Variants in STAG2 observed in about 807,000 individuals in gnomAD.
STAG2 encodes the protein cohesin subunit SA-2.
A neutral mutation model predicts 108.1 loss-of-function variants in STAG2; 14 were observed. The observed-to-expected ratio is 0.13, with a 90% CI of 0.09 to 0.20. STAG2 has a LOEUF of 0.20. Among genes scored for constraint, STAG2 ranks in the 10% least tolerant of loss-of-function variants. STAG2 has a pLI of 1.00. For missense variants in STAG2, 440 were observed against 940.9 expected (o/e 0.47, Z 6.96); for synonymous variants, 307 against 302.7 (o/e 1.01, Z -0.15).
intron 4 of STAG2, among the ~76,000 whole-genome samples, chrX:124,029,074 T>C (rs925122305): frequency 9.4e-6 from 1 of 105,992 alleles, no homozygotes; most frequent in Admixed American, 1.0e-4. Flanking sequence ...TGGAGTGCAG[T>C]GGCGCAGTCT....
intron 17 of STAG2, among the ~76,000 whole-genome samples, chrX:124,062,420 G>A (rs2058409516): frequency 8.9e-6 from 1 of 111,896 alleles, no homozygotes; most frequent in African/African-American, 3.2e-5. Flanking sequence ...TTTTATCAAA[G>A]ACAATGTGAT....
rs764117421 is a variant in STAG2, at chrX:124,079,617, C to T, written c.2775+1559C>T. Reference sequence around the variant, plus strand: ...GCAACATAGCAAGAGCCCATCTCTACAGAAAATGAAGAAAGAAAAATAAAT... The same window carrying T: ...GCAACATAGCAAGAGCCCATCTCTATAGAAAATGAAGAAAGAAAAATAAAT... On this transcript the variant is annotated intron_variant, in intron 27 of 34. Transcript: ENST00000371145. 4.1e-3 allele frequency among the ~76,000 whole-genome samples: 460 copies of T among 111,279 alleles called. 2 individuals carry two copies. Among genetic ancestry groups the T allele is most frequent in the African/African-American group, 0.011 (339 of 30,720 alleles).
intron 1 of STAG2, among the ~76,000 whole-genome samples, chrX:123,997,174 C>T (rs1465719308): frequency 1.8e-5 from 2 of 112,009 alleles, no homozygotes; most frequent in African/African-American, 6.5e-5. Context: ...AGTCTTCCAA[C>T]TTTGTTCTTT....
At chrX:124,052,229 C>T (rs769791402) in intron 13 of STAG2, among the ~76,000 whole-genome samples, 2 of 111,654 alleles carry the variant, frequency 1.8e-5, no homozygotes, top group African/African-American at 6.5e-5. Context: ...GGTTTACTGT[C>T]ATTACCTATA....
intron 20 of STAG2, among the ~76,000 whole-genome samples, chrX:124,064,296 A>G (rs766336515): frequency 9.0e-6 from 1 of 111,495 alleles, no homozygotes; most frequent in Admixed American, 9.6e-5. Flanking sequence ...AATGATCTGA[A>G]CAGTTACCTG....
At chrX:124,078,093 A>C (rs757822397) in intron 27 of STAG2, 35 bp downstream of exon 27, 1 of 1,001,289 alleles carries the variant, frequency 1.0e-6, no homozygotes, top group African/African-American at 1.9e-5. Context: ...AGCTAACACA[A>C]TTAACACCTA....
At chrX:124,068,795 AT>A (rs1250464710) in intron 24 of STAG2, 139 bp downstream of exon 24, 4 of 370,811 alleles carry the variant, frequency 1.1e-5, no homozygotes, top group Admixed American at 5.6e-5. Context: ...TACTAAAAAA[AT>A]AGGTTAATAT....
At chrX:123,974,681 C>T (rs2054539703) in intron 1 of STAG2, among the ~76,000 whole-genome samples, 1 of 103,185 alleles carries the variant, frequency 9.7e-6, no homozygotes, top group Non-Finnish European at 2.0e-5. Flanking sequence ...TGGGTTCAGG[C>T]GATTCTCCTG....
intron 7 of STAG2, among the ~76,000 whole-genome samples, chrX:124,044,236 T>C (rs886155185): frequency 5.2e-4 from 58 of 111,259 alleles, no homozygotes; most frequent in African/African-American, 1.8e-3. Context: ...TCCTGAAATA[T>C]GATTTGAAAA....
chrX:123,975,537 A>G (rs1221456665), intron 1 of STAG2, among the ~76,000 whole-genome samples: 1 of 112,001 alleles, frequency 8.9e-6, no homozygotes, highest in Non-Finnish European at 1.9e-5. Flanking sequence ...ATCTCAGCTC[A>G]CCGGCAACCT....
intron 1 of STAG2, among the ~76,000 whole-genome samples, chrX:124,021,144 TTAAG>T (rs1212261941): frequency 8.9e-6 from 1 of 112,349 alleles, no homozygotes; most frequent in Non-Finnish European, 1.9e-5. Context: ...CTGTTTTAGC[TTAAG>T]TAAGCTAGGA....
chrX:124,049,411 C>T (rs2057972498), intron 10 of STAG2, among the ~76,000 whole-genome samples: 1 of 111,933 alleles, frequency 8.9e-6, no homozygotes, highest in African/African-American at 3.2e-5. Context: ...CTCTTCCCTT[C>T]CATTGAATAT....
At chrX:124,063,019 G>A (rs1261451297) in intron 18 of STAG2, 25 bp downstream of exon 18, 1 of 1,185,855 alleles carries the variant, frequency 8.4e-7, no homozygotes, top group East Asian at 3.0e-5. Context: ...ATATCATAGT[G>A]TTACTAAGAA....
chrX:123,969,896 C>T (rs1337815212), intron 1 of STAG2, among the ~76,000 whole-genome samples: 3 of 107,122 alleles, frequency 2.8e-5, no homozygotes, highest in Non-Finnish European at 3.8e-5. Flanking sequence ...ATTCACCCAT[C>T]TCCACCCCAC....
chrX:124,069,169 C>T (rs2148360327), intron 24 of STAG2, among the ~76,000 whole-genome samples: 1 of 112,054 alleles, frequency 8.9e-6, no homozygotes, highest in East Asian at 2.8e-4. Context: ...TTACTTCTAA[C>T]CTTTTCAGTT....
At chrX:124,056,038 T>C in intron 13 of STAG2, 90 bp from the exon 14 acceptor site, 1 of 509,820 alleles carries the variant, frequency 2.0e-6, no homozygotes, top group Non-Finnish European at 2.9e-6. Context: ...ACTTTACAAC[T>C]TTTTAAAAGT....
chrX:124,019,905 T>C, intron 1 of STAG2, among the ~76,000 whole-genome samples: 1 of 112,576 alleles, frequency 8.9e-6, no homozygotes, highest in Middle Eastern at 4.6e-3. Flanking sequence ...GCCACTGCAC[T>C]CCAGTGCGGG....
chrX:124,039,173 TGA>T (rs1721145688), intron 6 of STAG2, among the ~76,000 whole-genome samples: 1 of 101,854 alleles, frequency 9.8e-6, no homozygotes, highest in South Asian at 4.2e-4. Context: ...TATTATTTTA[TGA>T]GAGAGAGTCT....
intron 26 of STAG2, among the ~76,000 whole-genome samples, chrX:124,077,702 C>A (rs776083114): frequency 9.0e-6 from 1 of 111,214 alleles, no homozygotes; most frequent in Admixed American, 9.6e-5. Context: ...ACCAGTATAC[C>A]GTCTTTATTT....
Sources: gnomAD v4.1 joint callset for allele counts (sites outside exome capture counted in the v4.1 genomes callset) on GRCh38, gnomAD v4.1.1 for gene constraint, MANE v1.5 for transcripts, NCBI Gene and HGNC (gene_info 2026-07-23, HGNC 2026-07-21) for gene names.